COL14A1: variants seen among roughly 807,000 people sequenced by gnomAD.
COL14A1 encodes collagen type XIV alpha 1 chain, also known as collagen alpha-1(XIV) chain.
Under a neutral mutation model 230.3 loss-of-function variants are expected in COL14A1, and 136 were observed. That is an observed-to-expected ratio of 0.59 (90% CI 0.51 to 0.68). The LOEUF is 0.68. Among genes scored for constraint, COL14A1 ranks in the 30% least tolerant of loss-of-function variants. The pLI, the probability that COL14A1 is intolerant of heterozygous loss-of-function variation, is 0.00. For synonymous variants in COL14A1, 792 were observed against 784.1 expected (o/e 1.01, Z -0.17); for missense variants, 1,976 against 2,215.8 (o/e 0.89, Z 2.17).
At chr8:120,243,212 G>A (rs909464827) in intron 19 of COL14A1, among the ~76,000 whole-genome samples, 2 of 152,178 alleles carry the variant, frequency 1.3e-5, no homozygotes, top group Non-Finnish European at 2.9e-5. Flanking sequence ...ACACTTGCGC[G>A]ATGTCGAACC....
At chr8:120,367,068 A>T (rs1009836661) in intron 45 of COL14A1, 103 bp from the exon 46 acceptor site, 3 of 845,392 alleles carry the variant, frequency 3.5e-6, no homozygotes, top group Non-Finnish European at 3.7e-6. Context: ...AACCCACTTA[A>T]TTGTCTTCAT....
At chr8:120,192,405 C>T (rs1018665935) in intron 5 of COL14A1, among the ~76,000 whole-genome samples, 2,491 of 152,160 alleles carry the variant, frequency 0.016, 35 homozygotes, top group Non-Finnish European at 0.026. Flanking sequence ...GAGTTTCTGC[C>T]GAGAGATCCA....
chr8:120,265,422 AT>A (rs1481672418), intron 24 of COL14A1, among the ~76,000 whole-genome samples: 1 of 152,086 alleles, frequency 6.6e-6, no homozygotes, highest in Non-Finnish European at 1.5e-5. Context: ...AAAATTTCTC[AT>A]TTTTTAAATT....
chr8:120,285,144 C>A (rs1302904855), intron 32 of COL14A1, among the ~76,000 whole-genome samples: 3 of 151,808 alleles, frequency 2.0e-5, no homozygotes, highest in Non-Finnish European at 4.4e-5. Context: ...AAGTTGGTTG[C>A]TGCAGTGGGT....
chr8:120,334,819 T>C (rs1486650302), intron 42 of COL14A1, among the ~76,000 whole-genome samples: 2 of 152,170 alleles, frequency 1.3e-5, no homozygotes, highest in African/African-American at 4.8e-5. Flanking sequence ...GGCCCTGACA[T>C]GACCCTAACT....
chr8:120,268,002 G>A (rs1021650532), intron 25 of COL14A1, among the ~76,000 whole-genome samples: 3 of 151,894 alleles, frequency 2.0e-5, no homozygotes, highest in East Asian at 1.9e-4. Flanking sequence ...AAAATAAGTT[G>A]TTGAGAGCTT....
intron 23 of COL14A1, among the ~76,000 whole-genome samples, chr8:120,260,661 T>C (rs1255658719): frequency 2.0e-5 from 3 of 152,166 alleles, no homozygotes; most frequent in Non-Finnish European, 4.4e-5. Context: ...TGTTTTTTCA[T>C]GGTAGCAGTG....
intron 36 of COL14A1, among the ~76,000 whole-genome samples, chr8:120,307,193 A>G (rs574655339): frequency 6.4e-4 from 97 of 152,334 alleles, no homozygotes; most frequent in African/African-American, 2.3e-3. Flanking sequence ...GAAAACAAGT[A>G]TCTGTCTTTT....
chr8:120,197,628 A>G (rs1053843877), intron 6 of COL14A1, among the ~76,000 whole-genome samples, 183 bp from the exon 7 acceptor site: 1 of 152,140 alleles, frequency 6.6e-6, no homozygotes, highest in African/African-American at 2.4e-5. Flanking sequence ...CAACCCCCGT[A>G]TATGTCTAAC....
intron 19 of COL14A1, among the ~76,000 whole-genome samples, chr8:120,240,527 T>TG (rs1244065533): frequency 6.6e-6 from 1 of 152,050 alleles, no homozygotes; most frequent in Non-Finnish European, 1.5e-5. Context: ...TAATAATGTA[T>TG]GGCGCAGAAA....
At chr8:120,321,368 CG>C (rs1821434918) in intron 40 of COL14A1, among the ~76,000 whole-genome samples, 1 of 152,074 alleles carries the variant, frequency 6.6e-6, no homozygotes, top group Non-Finnish European at 1.5e-5. Flanking sequence ...GGGCCAGGCA[CG>C]GTGGCTCACG....
Position 120,371,341 on chromosome 8 carries a change from C to T in COL14A1, c.*110C>T. 1 of 619,690 alleles carries T rather than the reference C, an allele frequency of 1.6e-6. No homozygotes were observed. The highest frequency in any genetic ancestry group is 2.7e-6 in the Non-Finnish European group (1 of 365,812). The allele number at this position is 619,690 out of a possible 1,614,324, so 38.4% of individuals were successfully genotyped here. A position where few individuals can be genotyped will look rare whatever the true frequency, so the allele number is the denominator to read the frequency against. On this transcript the variant is annotated 3_prime_UTR_variant, in exon 48 of 48. Transcript: ENST00000297848. ...TACTTTTGGGGGGCAGGGCTCATTT[C>T]AGCAGCCTAAATCTCCTCCTTGGAT... is the stretch of plus-strand genomic sequence containing the variant.
At chr8:120,306,492 A>C (rs1045227188) in intron 36 of COL14A1, among the ~76,000 whole-genome samples, 1 of 152,228 alleles carries the variant, frequency 6.6e-6, no homozygotes, top group Non-Finnish European at 1.5e-5. Context: ...TATGTAATAA[A>C]TTCTGTTTGA....
chr8:120,245,246 C>G (rs1818727279), intron 20 of COL14A1, among the ~76,000 whole-genome samples: 1 of 152,144 alleles, frequency 6.6e-6, no homozygotes, highest in Non-Finnish European at 1.5e-5. Context: ...GCACTAATTA[C>G]TCCCTGGTAT....
chr8:120,176,866 C>T (rs765248920), intron 5 of COL14A1, among the ~76,000 whole-genome samples: 15 of 152,084 alleles, frequency 9.9e-5, no homozygotes, highest in Non-Finnish European at 2.2e-4. Context: ...TTTTCTTCCT[C>T]CCACTTTCTC....
chr8:120,365,904 C>A (rs548646943), intron 45 of COL14A1, among the ~76,000 whole-genome samples: 1 of 152,096 alleles, frequency 6.6e-6, no homozygotes, highest in East Asian at 1.9e-4. Flanking sequence ...AGAAGAAGAG[C>A]TTTTTAAAAG....
At chr8:120,204,536 A>T (rs1353150482) in intron 9 of COL14A1, among the ~76,000 whole-genome samples, 1 of 152,158 alleles carries the variant, frequency 6.6e-6, no homozygotes, top group Non-Finnish European at 1.5e-5. Context: ...AGATTCCATG[A>T]TATGGATGTG....
At chr8:120,186,709 C>G (rs1292094227) in intron 5 of COL14A1, among the ~76,000 whole-genome samples, 2 of 152,156 alleles carry the variant, frequency 1.3e-5, no homozygotes, top group East Asian at 1.9e-4. Flanking sequence ...TTTAATTGAG[C>G]CATCATGGCT....
At chr8:120,320,146 T>C (rs1039748145) in intron 40 of COL14A1, among the ~76,000 whole-genome samples, 3 of 152,180 alleles carry the variant, frequency 2.0e-5, no homozygotes, top group Non-Finnish European at 2.9e-5. Context: ...GCCCTCACTT[T>C]CCTCAGCGGT....
Sources: allele counts gnomAD v4.1 joint callset (sites outside exome capture counted in the v4.1 genomes callset), GRCh38; gene constraint gnomAD v4.1.1; transcripts MANE v1.5; gene names NCBI Gene and HGNC (gene_info 2026-07-23, HGNC 2026-07-21).